Variants in PRKG1 observed in about 807,000 individuals in gnomAD.
PRKG1 encodes the protein protein kinase cGMP-dependent 1.
Under a neutral mutation model 88.1 loss-of-function variants are expected in PRKG1, and 35 were observed. The observed-to-expected ratio is 0.40, with a 90% CI of 0.30 to 0.53. The LOEUF (loss-of-function observed/expected upper bound fraction) is 0.53. Ranked by LOEUF, PRKG1 falls within the 20% of genes least tolerant of loss-of-function variation. The pLI, the probability that PRKG1 is intolerant of heterozygous loss-of-function variation, is 0.59. For missense variants in PRKG1, 540 were observed against 839.8 expected (o/e 0.64, Z 4.41); for synonymous variants, 303 against 292.5 (o/e 1.04, Z -0.37).
chr10:51,235,305 G>T (rs1204107509), intron 2 of PRKG1, among the ~76,000 whole-genome samples: 2 of 152,016 alleles, frequency 1.3e-5, no homozygotes, highest in East Asian at 1.9e-4. Context: ...TTCCTCTTTG[G>T]ACACAATGGC....
chr10:51,431,917 A>C (rs564705694), intron 2 of PRKG1, among the ~76,000 whole-genome samples: 1 of 152,326 alleles, frequency 6.6e-6, no homozygotes, highest in East Asian at 1.9e-4. Flanking sequence ...TTTTTACCAC[A>C]TATGGAAAAA....
intron 3 of PRKG1, among the ~76,000 whole-genome samples, chr10:51,545,737 C>A (rs570181525): frequency 6.6e-6 from 1 of 152,124 alleles, no homozygotes; most frequent in East Asian, 1.9e-4. Flanking sequence ...TTATAGCTAG[C>A]TTTTACTGTA....
rs750312335 is a variant in PRKG1 at position 51,505,139 on chromosome 10, A to T, written c.592+37303A>T. 3.2e-3 allele frequency among the ~76,000 whole-genome samples: 493 copies of T among 152,318 alleles called. 1 individual carries two copies. Among genetic ancestry groups the T allele is most frequent in the Non-Finnish European group, 5.7e-3 (390 of 68,036 alleles). ...TAGATAGCTCTTATTATTTTGAGAT[A>T]CATCCCATCAATACCTAATTTATTG... On this transcript the variant is annotated intron_variant, in intron 3 of 17. Coordinates refer to ENST00000373980, the MANE Select transcript of PRKG1 (RefSeq NM_006258.4).
chr10:51,254,500 T>C (rs1335707510), intron 2 of PRKG1, among the ~76,000 whole-genome samples: 32 of 151,974 alleles, frequency 2.1e-4, no homozygotes, highest in Admixed American at 2.1e-3. Flanking sequence ...GGGAAACAAG[T>C]CAATCTAAGG....
chr10:51,614,857 T>A (rs1321381726), intron 3 of PRKG1, among the ~76,000 whole-genome samples: 2 of 152,044 alleles, frequency 1.3e-5, no homozygotes, highest in Non-Finnish European at 2.9e-5. Flanking sequence ...TCTCTCTCAT[T>A]TATGAAGGAT....
intron 7 of PRKG1, among the ~76,000 whole-genome samples, chr10:52,074,574 C>T (rs1246760510): frequency 6.6e-6 from 1 of 152,112 alleles, no homozygotes; most frequent in East Asian, 1.9e-4. Flanking sequence ...AAATGTTTCA[C>T]TTGGAGTTAA....
intron 2 of PRKG1, among the ~76,000 whole-genome samples, chr10:51,403,385 G>T (rs1837813497): frequency 6.6e-6 from 1 of 152,092 alleles, no homozygotes; most frequent in African/African-American, 2.4e-5. Context: ...AGATTTCTTT[G>T]AAGAAATCTA....
At chr10:51,248,803 C>CAAA (rs139015712) in intron 2 of PRKG1, among the ~76,000 whole-genome samples, 7 of 149,050 alleles carry the variant, frequency 4.7e-5, no homozygotes, top group African/African-American at 1.7e-4. Flanking sequence ...ATAGAAATTA[C>CAAA]AAAAAAAAAC....
chr10:51,554,691 A>AG (rs1322199198), intron 3 of PRKG1, among the ~76,000 whole-genome samples: 1 of 99,482 alleles, frequency 1.0e-5, no homozygotes, highest in East Asian at 1.0e-3. Flanking sequence ...GTGCATTTTA[A>AG]GGGGAAAAAA....
intron 7 of PRKG1, among the ~76,000 whole-genome samples, chr10:52,103,975 A>G (rs1847355214): frequency 6.7e-6 from 1 of 148,756 alleles, no homozygotes; most frequent in Non-Finnish European, 1.5e-5. Context: ...GCTCTCTTCT[A>G]TTATGACTTC....
At chr10:51,122,795 C>T (rs1017911305) in intron 1 of PRKG1, among the ~76,000 whole-genome samples, 2 of 152,218 alleles carry the variant, frequency 1.3e-5, no homozygotes, top group Non-Finnish European at 2.9e-5. Flanking sequence ...CCACCTACTT[C>T]AGATCGTGTC....
chr10:51,901,375 A>G (rs911862731), intron 4 of PRKG1, among the ~76,000 whole-genome samples: 1 of 152,218 alleles, frequency 6.6e-6, no homozygotes, highest in South Asian at 2.1e-4. Context: ...CAAAAGTACA[A>G]TTGTGCAGAC....
chr10:50,992,930 T>A (rs1428929701), intron 1 of PRKG1, among the ~76,000 whole-genome samples: 1 of 152,198 alleles, frequency 6.6e-6, no homozygotes, highest in Non-Finnish European at 1.5e-5. Context: ...GATCATTTGC[T>A]GTCTGAGTTT....
chr10:52,143,016 G>C (rs1837625044), intron 8 of PRKG1, among the ~76,000 whole-genome samples: 1 of 147,604 alleles, frequency 6.8e-6, no homozygotes, highest in South Asian at 2.2e-4. Context: ...AATCTAATCA[G>C]CATATAGTAA....
chr10:51,567,526 G>T lies in PRKG1; in HGVS notation c.592+99690G>T, dbSNP rs7088731. On this transcript the variant is annotated intron_variant, in intron 3 of 17. Coordinates refer to ENST00000373980, the MANE Select transcript of PRKG1 (RefSeq NM_006258.4). ...CATCCTTCTACAGGAGAATGTAAGA[G>T]TTTTACATTACAGGATTCAGCCAGA... Among the ~76,000 whole-genome samples the T allele has an allele frequency of 2.6e-3, 389 of 152,104 alleles. 3 individuals carry two copies. Among genetic ancestry groups the T allele is most frequent in the African/African-American group, 8.8e-3 (365 of 41,476 alleles).
chr10:51,799,833 T>C (rs920009503), intron 3 of PRKG1, among the ~76,000 whole-genome samples: 1 of 152,024 alleles, frequency 6.6e-6, no homozygotes, highest in Non-Finnish European at 1.5e-5. Flanking sequence ...TGTGTGGGTG[T>C]CATGGACCTA....
chr10:51,390,538 A>C (rs1837368782), intron 2 of PRKG1, among the ~76,000 whole-genome samples: 1 of 152,232 alleles, frequency 6.6e-6, no homozygotes, highest in Non-Finnish European at 1.5e-5. Flanking sequence ...ACACGAGTTC[A>C]TGTGTACCTA....
At chr10:51,020,545 T>G (rs1843121718) in intron 1 of PRKG1, among the ~76,000 whole-genome samples, 1 of 152,212 alleles carries the variant, frequency 6.6e-6, no homozygotes, top group Non-Finnish European at 1.5e-5. Context: ...GTATTTTAAA[T>G]AATGCTTTAA....
intron 2 of PRKG1, among the ~76,000 whole-genome samples, chr10:51,298,392 C>T (rs933455636): frequency 3.3e-5 from 5 of 152,164 alleles, no homozygotes; most frequent in African/African-American, 1.2e-4. Context: ...TCCAGCTCCA[C>T]CAATTACTGA....
Sources: allele counts gnomAD v4.1 joint callset (sites outside exome capture counted in the v4.1 genomes callset), GRCh38; gene constraint gnomAD v4.1.1; transcripts MANE v1.5; gene names NCBI Gene and HGNC (gene_info 2026-07-23, HGNC 2026-07-21).